The following SEMA3D variants were observed in gnomAD, a reference collection of about 807,000 sequenced individuals.
SEMA3D encodes the protein semaphorin 3D.
Under a neutral mutation model 100.1 loss-of-function variants are expected in SEMA3D, and 84 were observed. That is an observed-to-expected ratio of 0.84 (90% CI 0.70 to 1.01). The LOEUF is 1.01. Ranked by LOEUF, SEMA3D falls within the 50% of genes least tolerant of loss-of-function variation. SEMA3D has a pLI of 0.00. For missense variants in SEMA3D, 875 were observed against 934.1 expected (o/e 0.94, Z 0.82); for synonymous variants, 312 against 320.7 (o/e 0.97, Z 0.29).
At chr7:85,134,892 G>A (rs1789813948) in intron 2 of SEMA3D, among the ~76,000 whole-genome samples, 1 of 151,906 alleles carries the variant, frequency 6.6e-6, no homozygotes, top group African/African-American at 2.4e-5. Context: ...AAACTAGAAA[G>A]AACTATAGAT....
chr7:85,027,188 T>A (rs547427374), intron 12 of SEMA3D, among the ~76,000 whole-genome samples: 104 of 152,162 alleles, frequency 6.8e-4, no homozygotes, highest in Non-Finnish European at 1.3e-3. Context: ...TTCAGGGTAG[T>A]GCATTTGTAA....
At chr7:85,147,700 C>T (rs1005366162) in intron 2 of SEMA3D, among the ~76,000 whole-genome samples, 2 of 151,928 alleles carry the variant, frequency 1.3e-5, no homozygotes, top group African/African-American at 4.8e-5. Flanking sequence ...TTTATTTATC[C>T]TAATGCTTTA....
At chr7:85,222,765 T>A in the SEMA3D span, among the ~76,000 whole-genome samples, 24,546 of 152,014 alleles carry the variant, frequency 0.16, 2,408 homozygotes, top group Non-Finnish European at 0.23. Flanking sequence ...ACCTAGGAGA[T>A]AACTATGAAT....
intron 3 of SEMA3D, among the ~76,000 whole-genome samples, chr7:85,119,532 C>T (rs1443602230): frequency 6.6e-6 from 1 of 152,118 alleles, no homozygotes; most frequent in East Asian, 1.9e-4. Context: ...ACTGCATACT[C>T]TCACTTATAA....
chr7:85,227,379 T>G, the SEMA3D span, among the ~76,000 whole-genome samples: 1 of 152,108 alleles, frequency 6.6e-6, no homozygotes, highest in African/African-American at 2.4e-5. Context: ...TGCTCATGAC[T>G]GGGATTAGTG....
At chr7:85,171,616 T>C (rs1791084701) in intron 1 of SEMA3D, among the ~76,000 whole-genome samples, 1 of 151,952 alleles carries the variant, frequency 6.6e-6, no homozygotes, top group Non-Finnish European at 1.5e-5. Flanking sequence ...GGCAGGTCCC[T>C]TGAATAACAC....
chr7:85,085,859 C>G (rs1451701946), intron 4 of SEMA3D, among the ~76,000 whole-genome samples: 1 of 152,112 alleles, frequency 6.6e-6, no homozygotes, highest in Non-Finnish European at 1.5e-5. Context: ...GAATACAAAT[C>G]TGTAAAAGAT....
At chr7:85,193,421 G>A in the SEMA3D span, among the ~76,000 whole-genome samples, 1 of 152,080 alleles carries the variant, frequency 6.6e-6, no homozygotes, top group African/African-American at 2.4e-5. Flanking sequence ...AGCAGGGAGA[G>A]AGAAAGAAAA....
At chr7:85,217,958 T>C in the SEMA3D span, among the ~76,000 whole-genome samples, 3 of 152,138 alleles carry the variant, frequency 2.0e-5, no homozygotes, top group Non-Finnish European at 2.9e-5. Context: ...TTCACAGCAT[T>C]GTATGCTTCA....
At chr7:85,063,843 G>A (rs1385621790) in intron 8 of SEMA3D, among the ~76,000 whole-genome samples, 1 of 152,076 alleles carries the variant, frequency 6.6e-6, no homozygotes, top group Non-Finnish European at 1.5e-5. Context: ...TCCTACTCCC[G>A]CTTTATGCTT....
At chr7:85,020,402 C>G in intron 13 of SEMA3D, 81 bp from the exon 14 acceptor site, 1 of 900,014 alleles carries the variant, frequency 1.1e-6, no homozygotes, top group Admixed American at 1.9e-5. Context: ...ACCTGCAAAT[C>G]ATTCCCCTCA....
intron 2 of SEMA3D, among the ~76,000 whole-genome samples, chr7:85,127,417 A>G (rs936641058): frequency 4.6e-5 from 7 of 152,158 alleles, no homozygotes; most frequent in African/African-American, 1.7e-4. Context: ...CTAAGAGCCA[A>G]ATAAAATTCT....
chr7:85,092,144 AAT>A (rs1410951533), intron 4 of SEMA3D, among the ~76,000 whole-genome samples: 9 of 152,048 alleles, frequency 5.9e-5, no homozygotes, highest in Admixed American at 2.0e-4. Context: ...CATTAATCCA[AAT>A]TTTACTCATC....
At chr7:85,102,100 C>T (rs550092931) in intron 3 of SEMA3D, among the ~76,000 whole-genome samples, 187 of 151,952 alleles carry the variant, frequency 1.2e-3, no homozygotes, top group Non-Finnish European at 2.1e-3. Context: ...ACACAACATA[C>T]GTGAAATAAA....
chr7:85,238,939 G>A, the SEMA3D span, among the ~76,000 whole-genome samples: 2 of 150,912 alleles, frequency 1.3e-5, no homozygotes, highest in Non-Finnish European at 3.0e-5. Flanking sequence ...TATTTTATTT[G>A]GGCAGTACTA....
chr7:85,250,230 CT>C, the SEMA3D span, among the ~76,000 whole-genome samples: 1 of 140,290 alleles, frequency 7.1e-6, no homozygotes, highest in Non-Finnish European at 1.5e-5. Flanking sequence ...TCCACGGAGT[CT>C]TGCTGATTGC....
intron 2 of SEMA3D, among the ~76,000 whole-genome samples, chr7:85,122,635 T>C (rs2190208): frequency 0.51 from 77,335 of 151,906 alleles, 20,080 homozygotes; most frequent in East Asian, 0.61. Context: ...AGCTGTCATT[T>C]TGAGACAAGT....
chr7:85,214,163 C>G, the SEMA3D span, among the ~76,000 whole-genome samples: 1 of 152,100 alleles, frequency 6.6e-6, no homozygotes, highest in Non-Finnish European at 1.5e-5. Flanking sequence ...ATAAAATACA[C>G]ATATTGTTTT....
chr7:85,190,565 T>C (rs992585383), upstream of SEMA3D, among the ~76,000 whole-genome samples: 4 of 152,114 alleles, frequency 2.6e-5, no homozygotes, highest in African/African-American at 9.6e-5. Context: ...ATCTATTTCA[T>C]TTGATCGTAG....
Sources: gnomAD v4.1 joint callset for allele counts (sites outside exome capture counted in the v4.1 genomes callset) on GRCh38, gnomAD v4.1.1 for gene constraint, MANE v1.5 for transcripts, NCBI Gene and HGNC (gene_info 2026-07-23, HGNC 2026-07-21) for gene names.